Variants in RXFP1 observed in about 807,000 individuals in gnomAD.
The protein encoded by RXFP1 is relaxin family peptide receptor 1.
A neutral mutation model predicts 89.8 loss-of-function variants in RXFP1; 73 were observed. That is an observed-to-expected ratio of 0.81 (90% CI 0.67 to 0.99). The LOEUF is 0.99. RXFP1 is among the 50% of genes least tolerant of loss of function. The probability of loss-of-function intolerance (pLI) is 0.00; values close to 1 mark genes in which losing one functional copy is unlikely to be tolerated. For missense variants in RXFP1, 793 were observed against 895.5 expected (o/e 0.89, Z 1.46); for synonymous variants, 277 against 305.5 (o/e 0.91, Z 0.97).
chr4:158,537,942 G>A (rs1195475333), intron 1 of RXFP1, among the ~76,000 whole-genome samples: 1 of 152,164 alleles, frequency 6.6e-6, no homozygotes, highest in Non-Finnish European at 1.5e-5. Flanking sequence ...GAGGCTTGAA[G>A]AATGAGGAAC....
At chr4:158,563,809 C>T (rs1036829930) in intron 1 of RXFP1, among the ~76,000 whole-genome samples, 3 of 150,286 alleles carry the variant, frequency 2.0e-5, no homozygotes, top group Non-Finnish European at 4.4e-5. Context: ...ATTCCTATCA[C>T]CTAGTGACAT....
intron 17 of RXFP1, 85 bp from the exon 18 acceptor site, chr4:158,651,672 T>A: frequency 9.7e-7 from 1 of 1,026,982 alleles, no homozygotes; most frequent in Non-Finnish European, 1.4e-6. Flanking sequence ...CAAAAAGGGG[T>A]TGGGATGAAA....
chr4:158,566,331 T>G (rs1372066566), intron 1 of RXFP1, among the ~76,000 whole-genome samples: 1 of 152,124 alleles, frequency 6.6e-6, no homozygotes, highest in African/African-American at 2.4e-5. Flanking sequence ...TACTTGCAAC[T>G]TCTCAGTTTG....
intron 2 of RXFP1, among the ~76,000 whole-genome samples, chr4:158,584,259 C>T (rs1377858025): frequency 1.3e-5 from 2 of 151,942 alleles, no homozygotes; most frequent in African/African-American, 2.4e-5. Flanking sequence ...ATGGTGAAAC[C>T]CCGTCTCTAC....
intron 16 of RXFP1, among the ~76,000 whole-genome samples, chr4:158,647,541 A>T (rs2150266754): frequency 6.6e-6 from 1 of 152,302 alleles, no homozygotes; most frequent in South Asian, 2.1e-4. Flanking sequence ...ATGTAAAAAT[A>T]TTTTCAGAGT....
rs1019695984 is a variant in RXFP1 at position 158,622,665 on chromosome 4, G to T, written c.756-4155G>T. On this transcript the variant is annotated intron_variant, in intron 9 of 17. Coordinates refer to ENST00000307765, the MANE Select transcript of RXFP1 (RefSeq NM_021634.4). ...ATTTATACGTGGAATTTCTTTTTAA[G>T]TTGAACACATAGAAACAGAGTAGAA... Among the ~76,000 whole-genome samples the T allele has an allele frequency of 3.3e-5, 5 of 152,170 alleles. No homozygotes were observed. In the East Asian group the frequency reaches 9.6e-4, roughly 29 times the overall value.
At chr4:158,528,733 T>C (rs762966291) in intron 1 of RXFP1, among the ~76,000 whole-genome samples, 5 of 152,178 alleles carry the variant, frequency 3.3e-5, no homozygotes, top group South Asian at 2.1e-4. Context: ...TGAGACAGCA[T>C]TGCTACAGCA....
rs772582846 is a variant in RXFP1 at position 158,646,895 on chromosome 4, C to T, written c.1450C>T (p.His484Tyr). 5.0e-6 allele frequency: 8 copies of T among 1,614,176 alleles called. No homozygotes were observed. The highest frequency in any genetic ancestry group is 6.8e-6 in the Non-Finnish European group (8 of 1,180,016). Residue 484 changes from histidine (H) to tyrosine (Y), a missense_variant, in exon 16 of 18, where the codon CAT becomes TAT. Coordinates refer to ENST00000307765, the MANE Select transcript of RXFP1 (RefSeq NM_021634.4). ...KHAQLWMEST[H>Y]CQLVGSLAIL... ...TGCGCAGCTGTGGATGGAGAGTACT[C>T]ATTGTCAGCTTGTAGGATCTTTGGC...
chr4:158,564,038 C>A (rs969033777), intron 1 of RXFP1, among the ~76,000 whole-genome samples: 1 of 150,974 alleles, frequency 6.6e-6, no homozygotes, highest in Non-Finnish European at 1.5e-5. Flanking sequence ...TTAAAAAAAA[C>A]TTAATGTAAG....
At chr4:158,564,752 C>A (rs1199499188) in intron 1 of RXFP1, among the ~76,000 whole-genome samples, 1 of 152,160 alleles carries the variant, frequency 6.6e-6, no homozygotes, top group Non-Finnish European at 1.5e-5. Flanking sequence ...TTCTGTAACT[C>A]TTTGGGCATA....
At chr4:158,621,551 A>G (rs577036529) in intron 9 of RXFP1, among the ~76,000 whole-genome samples, 20 of 152,362 alleles carry the variant, frequency 1.3e-4, no homozygotes, top group African/African-American at 4.3e-4. Flanking sequence ...CTTTGTAAAT[A>G]TCATAAGAAA....
chr4:158,522,302 T>C (rs1741372180), intron 1 of RXFP1, among the ~76,000 whole-genome samples: 1 of 152,158 alleles, frequency 6.6e-6, no homozygotes, highest in Non-Finnish European at 1.5e-5. Flanking sequence ...TAAGCAACAT[T>C]ATAATATTTA....
chr4:158,606,969 A>AT (rs1232966237), intron 5 of RXFP1: 2 of 1,033,688 alleles, frequency 1.9e-6, no homozygotes, highest in African/African-American at 3.2e-5. Flanking sequence ...AAAATTTATA[A>AT]TTTAACTGAA....
intron 1 of RXFP1, among the ~76,000 whole-genome samples, chr4:158,533,630 T>C (rs7356187): frequency 0.73 from 111,320 of 152,090 alleles, 44,152 homozygotes; most frequent in East Asian, 0.98. Context: ...GGTTAGTCTA[T>C]CTTCATTTGG....
chr4:158,548,102 A>C (rs1245313758), intron 1 of RXFP1, among the ~76,000 whole-genome samples: 1 of 152,136 alleles, frequency 6.6e-6, no homozygotes, highest in Non-Finnish European at 1.5e-5. Flanking sequence ...TTTGTAGGTC[A>C]CTAAGGACTT....
chr4:158,606,413 A>T (rs1008068491), intron 5 of RXFP1, among the ~76,000 whole-genome samples: 2 of 152,228 alleles, frequency 1.3e-5, no homozygotes, highest in East Asian at 3.8e-4. Flanking sequence ...CTAATTATTT[A>T]AAAATTTCTA....
chr4:158,601,292 T>C (rs572731880), intron 4 of RXFP1, among the ~76,000 whole-genome samples: 1 of 152,156 alleles, frequency 6.6e-6, no homozygotes, highest in South Asian at 2.1e-4. Flanking sequence ...GAGTCAGAGA[T>C]GACTCCAAGG....
chr4:158,597,155 T>C (rs1246416264), intron 3 of RXFP1, among the ~76,000 whole-genome samples: 1 of 152,112 alleles, frequency 6.6e-6, no homozygotes, highest in Non-Finnish European at 1.5e-5. Context: ...TAAGTTAAGG[T>C]TCCTAGTGTC....
intron 1 of RXFP1, chr4:158,544,291 G>A (rs1393095926): frequency 1.0e-6 from 1 of 984,990 alleles, no homozygotes; most frequent in Admixed American, 6.2e-5. Flanking sequence ...ACAATAACTT[G>A]GAATGCCCTG....
Sources: gnomAD v4.1 joint callset for allele counts (sites outside exome capture counted in the v4.1 genomes callset) on GRCh38, gnomAD v4.1.1 for gene constraint, MANE v1.5 for transcripts, NCBI Gene and HGNC (gene_info 2026-07-23, HGNC 2026-07-21) for gene names.